Variants in SP110 observed in about 807,000 individuals in gnomAD.
SP110 encodes the protein SP110 nuclear body protein, also known as interferon-induced protein 41, 30kD.
In SP110, 62 loss-of-function variants were observed where a neutral mutation model predicts 92.7. The observed-to-expected ratio is 0.67, with a 90% confidence interval of 0.55 to 0.83. The LOEUF is 0.83. SP110 is among the 40% of genes least tolerant of loss of function. The probability of loss-of-function intolerance (pLI) is 0.00; values close to 1 mark genes in which losing one functional copy is unlikely to be tolerated. For synonymous variants in SP110, 273 were observed against 305.3 expected (o/e 0.89, Z 1.10); for missense variants, 793 against 863.9 (o/e 0.92, Z 1.03).
intron 14 of SP110, among the ~76,000 whole-genome samples, chr2:230,174,933 G>A (rs2041783678): frequency 6.6e-6 from 1 of 152,226 alleles, no homozygotes; most frequent in Admixed American, 6.5e-5. Context: ...GTGGGACTGA[G>A]AGGCTGGGTC....
intron 10 of SP110, among the ~76,000 whole-genome samples, chr2:230,196,310 A>G (rs974269452): frequency 6.6e-6 from 1 of 152,176 alleles, no homozygotes; most frequent in Non-Finnish European, 1.5e-5. Flanking sequence ...GTCCACTAGT[A>G]GGTGATTATT....
intron 10 of SP110, among the ~76,000 whole-genome samples, chr2:230,192,838 T>C (rs1327916944): frequency 6.6e-6 from 1 of 152,206 alleles, no homozygotes; most frequent in African/African-American, 2.4e-5. Flanking sequence ...GAGAAGAATG[T>C]AATCTTCTGT....
At chr2:230,176,442 C>A (rs1007672504) in intron 14 of SP110, 3 of 1,414,364 alleles carry the variant, frequency 2.1e-6, no homozygotes, top group Middle Eastern at 2.6e-4. Context: ...ATCCAAATAT[C>A]CAGATCTTTT....
chr2:230,199,397 CAG>C (rs1410599117), intron 10 of SP110, among the ~76,000 whole-genome samples: 2 of 151,318 alleles, frequency 1.3e-5, no homozygotes. Context: ...TTAGTAGAGA[CAG>C]GGTTTCATCA....
chr2:230,213,259 A>T (rs1485453584), intron 3 of SP110, among the ~76,000 whole-genome samples: 2 of 152,186 alleles, frequency 1.3e-5, no homozygotes, highest in Non-Finnish European at 2.9e-5. Flanking sequence ...CCCTGATCTA[A>T]TACCAAAATG....
chr2:230,199,299 C>T (rs2043026394), intron 10 of SP110, among the ~76,000 whole-genome samples: 1 of 145,242 alleles, frequency 6.9e-6, no homozygotes, highest in East Asian at 2.1e-4. Flanking sequence ...ACCTCTGCCT[C>T]CTGGGTTCAA....
chr2:230,174,142 T>C (rs2041744892), intron 14 of SP110: 1 of 152,190 alleles, frequency 6.6e-6, no homozygotes, highest in African/African-American at 2.4e-5. Context: ...CAAAAAAGTA[T>C]GGGCCACTGC....
Position 230,169,204 on chromosome 2 carries a change from C to G in SP110, c.2062G>C (p.Glu688Gln), listed in dbSNP as rs1248090890. 2 of 1,613,630 alleles carry G rather than the reference C, an allele frequency of 1.2e-6. No individual in the cohort carries two copies. Among genetic ancestry groups the G allele is most frequent in the Non-Finnish European group, 8.5e-7 (1 of 1,179,550 alleles). The change falls in exon 19 of 19, where the codon GAG becomes CAG. Residue 688 changes from glutamate to glutamine, a missense_variant. Physicochemically the swap from Glu to Gln is conservative, Grantham distance 29. Transcript: ENST00000258381. The part of the protein sequence containing the change: ...SDFGQVGLDL[E>Q]AEFEKDLKDV... ...TTGAGATCTTTTTCAAATTCTGCCT[C>G]TAAGTCAAGTCCTACCTGGCCAAAG...
At chr2:230,178,632 T>C (rs976141999) in intron 12 of SP110, among the ~76,000 whole-genome samples, 1 of 152,084 alleles carries the variant, frequency 6.6e-6, no homozygotes, top group Non-Finnish European at 1.5e-5. Context: ...GAAAAAAAAA[T>C]CTTCATTTAT....
At chr2:230,174,968 C>G (rs1169726295) in intron 14 of SP110, among the ~76,000 whole-genome samples, 1 of 152,098 alleles carries the variant, frequency 6.6e-6, no homozygotes, top group Non-Finnish European at 1.5e-5. Context: ...CTATTATGAG[C>G]TGACATGTGG....
intron 8 of SP110, among the ~76,000 whole-genome samples, chr2:230,205,747 G>T (rs1032270897): frequency 1.3e-5 from 2 of 152,242 alleles, no homozygotes; most frequent in Non-Finnish European, 2.9e-5. Flanking sequence ...TGAGACTGTA[G>T]TGTCAATGGG....
At chr2:230,203,244 A>G (rs911085830) in intron 8 of SP110, 14 of 178,692 alleles carry the variant, frequency 7.8e-5, no homozygotes, top group Non-Finnish European at 1.7e-4. Context: ...GGTGAGGCTG[A>G]GACCCAGAGG....
At chr2:230,176,262 G>T (rs552167000) in intron 14 of SP110, among the ~76,000 whole-genome samples, 1 of 152,002 alleles carries the variant, frequency 6.6e-6, no homozygotes, top group African/African-American at 2.4e-5. Flanking sequence ...TATCACTCAG[G>T]CTGGTCTTGA....
chr2:230,221,579 AT>A (rs1053632355), upstream of SP110: 2 of 970,296 alleles, frequency 2.1e-6, no homozygotes, highest in African/African-American at 3.2e-5. Flanking sequence ...GAAAAATTCA[AT>A]GCTAACAGCT....
chr2:230,169,839 A>T (rs1236474134), intron 18 of SP110, among the ~76,000 whole-genome samples: 1 of 152,206 alleles, frequency 6.6e-6, no homozygotes, highest in East Asian at 1.9e-4. Flanking sequence ...CCACTCGCTG[A>T]GGAAGGATGA....
chr2:230,193,599 C>T (rs1335949891), intron 10 of SP110, among the ~76,000 whole-genome samples: 1 of 152,212 alleles, frequency 6.6e-6, no homozygotes, highest in Non-Finnish European at 1.5e-5. Context: ...GACTTTATTT[C>T]TCCTTCATTC....
intron 10 of SP110, among the ~76,000 whole-genome samples, chr2:230,193,024 T>C (rs1167592653): frequency 1.3e-5 from 2 of 152,210 alleles, no homozygotes; most frequent in Non-Finnish European, 2.9e-5. Context: ...CTTATGAATC[T>C]GGGAGCTCCA....
chr2:230,181,657 T>C (rs1174297275), intron 12 of SP110, among the ~76,000 whole-genome samples: 1 of 152,236 alleles, frequency 6.6e-6, no homozygotes, highest in South Asian at 2.1e-4. Context: ...GAACAGACAC[T>C]TCTCAAAAGA....
chr2:230,189,672 A>G (rs969107386), intron 10 of SP110, among the ~76,000 whole-genome samples: 7 of 152,016 alleles, frequency 4.6e-5, no homozygotes, highest in African/African-American at 1.7e-4. Context: ...CTATTGACCC[A>G]TCCTCTAAGT....
Sources: gnomAD v4.1 joint callset for allele counts (sites outside exome capture counted in the v4.1 genomes callset) on GRCh38, gnomAD v4.1.1 for gene constraint, MANE v1.5 for transcripts, NCBI Gene and HGNC (gene_info 2026-07-23, HGNC 2026-07-21) for gene names.